Variants in MARCHF1 observed in about 807,000 individuals in gnomAD.
The protein encoded by MARCHF1 is membrane associated ring-CH-type finger 1.
A neutral mutation model predicts 54.2 loss-of-function variants in MARCHF1; 40 were observed. The ratio of observed to expected loss-of-function variants is 0.74; its 90% CI spans 0.57 to 0.96. The LOEUF is 0.96. Among genes scored for constraint, MARCHF1 ranks in the 40% least tolerant of loss-of-function variants. The probability of loss-of-function intolerance (pLI) is 0.00; values close to 1 mark genes in which losing one functional copy is unlikely to be tolerated. For missense variants in MARCHF1, 586 were observed against 656.5 expected (o/e 0.89, Z 1.17); for synonymous variants, 236 against 236.3 (o/e 1.00, Z 0.01).
At chr4:164,149,989 A>T (rs1351707940) in intron 1 of MARCHF1, among the ~76,000 whole-genome samples, 2 of 152,198 alleles carry the variant, frequency 1.3e-5, no homozygotes, top group Admixed American at 1.3e-4. Context: ...TCAATAGGAT[A>T]AATTATTTGT....
chr4:164,299,973 A>G (rs1046128849), intron 1 of MARCHF1, among the ~76,000 whole-genome samples: 1 of 152,186 alleles, frequency 6.6e-6, no homozygotes, highest in Non-Finnish European at 1.5e-5. Flanking sequence ...GAATTCTATT[A>G]GCAAATGTGT....
intron 3 of MARCHF1, among the ~76,000 whole-genome samples, chr4:163,985,026 G>C (rs1752835715): frequency 6.6e-6 from 1 of 151,948 alleles, no homozygotes; most frequent in African/African-American, 2.4e-5. Flanking sequence ...CATTTACCAA[G>C]GAAAATCTGA....
chr4:164,109,912 T>TAAAAA lies in MARCHF1; in HGVS notation c.-248+1671_-248+1675dup, dbSNP rs57433858. Among the ~76,000 whole-genome samples the TAAAAA allele has an allele frequency of 6.3e-3, 395 of 63,136 alleles. 12 individuals carry two copies. The highest frequency in any genetic ancestry group is 0.032 in the East Asian group (61 of 1,902). The allele number at this position is 63,136 out of a possible 152,430, so 41.4% of individuals were successfully genotyped here. On this transcript the variant is annotated intron_variant, in intron 2 of 9. Transcript: ENST00000514618. Reference sequence around the variant, plus strand: ...CATACCCCTGAACCTAAAATAAAAGTAAAAAAAAAAAAAAAAAAAAAAAAG... The same window carrying TAAAAA: ...CATACCCCTGAACCTAAAATAAAAGTAAAAAAAAAAAAAAAAAAAAAAAAAAAAAG...
At chr4:163,811,651 G>C (rs1489237674) in intron 4 of MARCHF1, among the ~76,000 whole-genome samples, 2 of 152,138 alleles carry the variant, frequency 1.3e-5, no homozygotes, top group Non-Finnish European at 2.9e-5. Flanking sequence ...TTGAATTACA[G>C]ATAAAATAAA....
chr4:164,208,077 C>A (rs1371547965), intron 1 of MARCHF1, among the ~76,000 whole-genome samples: 1 of 152,048 alleles, frequency 6.6e-6, no homozygotes, highest in Non-Finnish European at 1.5e-5. Context: ...GCTTTCTAGG[C>A]AAGGGGGATT....
chr4:164,010,137 G>A (rs1753387234), intron 2 of MARCHF1, among the ~76,000 whole-genome samples: 1 of 145,660 alleles, frequency 6.9e-6, no homozygotes, highest in Admixed American at 7.1e-5. Flanking sequence ...CGCAATCTCG[G>A]CTCACTGCAA....
intron 2 of MARCHF1, among the ~76,000 whole-genome samples, chr4:164,095,209 G>C (rs1172451941): frequency 6.6e-6 from 1 of 152,084 alleles, no homozygotes; most frequent in Non-Finnish European, 1.5e-5. Context: ...TTATACTCCA[G>C]GGCCTATTCC....
intron 4 of MARCHF1, among the ~76,000 whole-genome samples, chr4:163,730,751 G>C (rs1745801245): frequency 6.6e-6 from 1 of 151,978 alleles, no homozygotes; most frequent in African/African-American, 2.4e-5. Flanking sequence ...GTCTTCTCAG[G>C]TCTTTTAAAA....
At chr4:163,897,233 A>G (rs140273305) in intron 3 of MARCHF1, among the ~76,000 whole-genome samples, 3,351 of 152,202 alleles carry the variant, frequency 0.022, 236 homozygotes, top group Admixed American at 0.14. Context: ...TATTACCTCA[A>G]ATATCTGATG....
chr4:163,554,596 G>A (rs1402868102), intron 8 of MARCHF1, among the ~76,000 whole-genome samples: 1 of 152,160 alleles, frequency 6.6e-6, no homozygotes, highest in Non-Finnish European at 1.5e-5. Flanking sequence ...GTCTGGCTTG[G>A]GTCAAGTAAC....
chr4:164,009,837 T>C (rs1199678783), intron 2 of MARCHF1, among the ~76,000 whole-genome samples: 1 of 152,082 alleles, frequency 6.6e-6, no homozygotes, highest in Non-Finnish European at 1.5e-5. Context: ...GCTACCATCA[T>C]ACTGAATGGA....
At chr4:163,952,091 C>T (rs4270550) in intron 3 of MARCHF1, among the ~76,000 whole-genome samples, 97,669 of 151,992 alleles carry the variant, frequency 0.64, 31,620 homozygotes, top group East Asian at 0.85. Context: ...CCATGAAAAT[C>T]GCTTGTTTTT....
At chr4:163,956,453 A>G (rs1191062131) in intron 3 of MARCHF1, among the ~76,000 whole-genome samples, 1 of 152,088 alleles carries the variant, frequency 6.6e-6, no homozygotes, top group Non-Finnish European at 1.5e-5. Context: ...GAATATCACA[A>G]TTTCAGTGAG....
chr4:163,918,840 T>C (rs1751365872), intron 3 of MARCHF1, among the ~76,000 whole-genome samples: 1 of 152,050 alleles, frequency 6.6e-6, no homozygotes, highest in Admixed American at 6.6e-5. Context: ...AAAACAAAAA[T>C]GTTTCTGCAT....
At chr4:163,781,283 G>A (rs1032488025) in intron 4 of MARCHF1, among the ~76,000 whole-genome samples, 38 of 152,138 alleles carry the variant, frequency 2.5e-4, no homozygotes, top group Admixed American at 2.0e-4. Flanking sequence ...CCTGGAAGGC[G>A]GAGGTTGTAG....
chr4:164,206,759 A>G (rs1476181866), intron 1 of MARCHF1, among the ~76,000 whole-genome samples: 1 of 152,046 alleles, frequency 6.6e-6, no homozygotes, highest in East Asian at 1.9e-4. Flanking sequence ...TTGGGGTCTC[A>G]CTCCTTTGAA....
intron 2 of MARCHF1, among the ~76,000 whole-genome samples, chr4:164,003,541 AT>A (rs1753226457): frequency 1.3e-5 from 2 of 152,096 alleles, no homozygotes; most frequent in African/African-American, 4.8e-5. Context: ...CAGAAATCAA[AT>A]AGTACTAGAA....
At chr4:163,698,099 T>C (rs1437419039) in intron 5 of MARCHF1, among the ~76,000 whole-genome samples, 1 of 152,140 alleles carries the variant, frequency 6.6e-6, no homozygotes, top group Non-Finnish European at 1.5e-5. Context: ...ACAAACTTAC[T>C]AGGGATGTTA....
At chr4:163,779,768 C>A (rs1289793368) in intron 4 of MARCHF1, among the ~76,000 whole-genome samples, 1 of 151,910 alleles carries the variant, frequency 6.6e-6, no homozygotes, top group South Asian at 2.1e-4. Flanking sequence ...TGGAGAGATT[C>A]GTTTTCTAAA....
Sources: allele counts gnomAD v4.1 joint callset (sites outside exome capture counted in the v4.1 genomes callset), GRCh38; gene constraint gnomAD v4.1.1; transcripts MANE v1.5; gene names NCBI Gene and HGNC (gene_info 2026-07-23, HGNC 2026-07-21).